The following NAV3 variants were observed in gnomAD, a reference collection of about 807,000 sequenced individuals.
The protein encoded by NAV3 is neuron navigator 3.
NAV3 carries 87 observed loss-of-function variants against 244.7 expected under a neutral mutation model. That is an observed-to-expected ratio of 0.36 (90% CI 0.30 to 0.42). The LOEUF is 0.42. Ranked by LOEUF, NAV3 falls within the 20% of genes least tolerant of loss-of-function variation. The probability of loss-of-function intolerance (pLI) is 1.00; values close to 1 mark genes in which losing one functional copy is unlikely to be tolerated. For missense variants in NAV3, 2,663 were observed against 2,893.3 expected, an observed-to-expected ratio of 0.92 and a Z score of 1.83; for synonymous variants, 1,126 against 1,042.2, an observed-to-expected ratio of 1.08 and a Z score of -1.55.
At chr12:78,036,870 C>T (rs1450248100) in intron 9 of NAV3, 3 of 689,162 alleles carry the variant, frequency 4.4e-6, no homozygotes, top group African/African-American at 3.5e-5. Context: ...AATCATGCAG[C>T]GGCCTGCTGA....
chr12:77,936,486 A>G (rs1256125658), intron 1 of NAV3, among the ~76,000 whole-genome samples: 1 of 152,170 alleles, frequency 6.6e-6, no homozygotes, highest in African/African-American at 2.4e-5. Flanking sequence ...AAAATCTTCA[A>G]TGACCCTTTT....
At chr12:77,967,525 AAAGAGTTGGTT>A in intron 4 of NAV3, among the ~76,000 whole-genome samples, 1 of 152,268 alleles carries the variant, frequency 6.6e-6, no homozygotes, top group Non-Finnish European at 1.5e-5. Flanking sequence ...CAAGAAATCC[AAAGAGTTGGTT>A]AATTTTCCTA....
intron 18 of NAV3, among the ~76,000 whole-genome samples, chr12:78,133,036 T>C (rs1956229075): frequency 6.6e-6 from 1 of 152,152 alleles, no homozygotes; most frequent in African/African-American, 2.4e-5. Flanking sequence ...GACATTGTCC[T>C]TGCTGAAGCT....
chr12:77,780,734 G>C (rs913707318), intron 2 of NAV3, among the ~76,000 whole-genome samples: 12 of 152,164 alleles, frequency 7.9e-5, no homozygotes, highest in Non-Finnish European at 1.5e-4. Context: ...AGGTTCCTGG[G>C]TTGTAAAACT....
intron 1 of NAV3, among the ~76,000 whole-genome samples, chr12:77,864,126 C>T (rs1440662218): frequency 6.6e-6 from 1 of 151,806 alleles, no homozygotes; most frequent in African/African-American, 2.4e-5. Context: ...TCAGGACACC[C>T]CCAATTTGGT....
intron 2 of NAV3, among the ~76,000 whole-genome samples, chr12:77,720,380 G>A (rs1438465488): frequency 6.6e-6 from 1 of 152,122 alleles, no homozygotes; most frequent in African/African-American, 2.4e-5. Flanking sequence ...TTCTGTGGGT[G>A]TCTTCTCAGG....
intron 24 of NAV3, among the ~76,000 whole-genome samples, chr12:78,172,947 T>C (rs1356787824): frequency 6.6e-6 from 1 of 151,602 alleles, no homozygotes; most frequent in Non-Finnish European, 1.5e-5. Context: ...TATAGAATGG[T>C]TTGAAGATGA....
At chr12:77,903,150 G>T (rs1173421895) in intron 1 of NAV3, among the ~76,000 whole-genome samples, 1 of 152,032 alleles carries the variant, frequency 6.6e-6, no homozygotes, top group African/African-American at 2.4e-5. Flanking sequence ...CTACTTTAAA[G>T]TTCATATGGA....
At chr12:78,191,193 A>G (rs1050006681) in intron 34 of NAV3, among the ~76,000 whole-genome samples, 1 of 152,146 alleles carries the variant, frequency 6.6e-6, no homozygotes, top group Admixed American at 6.6e-5. Flanking sequence ...CCAGGCATAT[A>G]GCTTAATGAA....
chr12:77,619,120 A>G (rs989350709), intron 2 of NAV3, among the ~76,000 whole-genome samples: 2 of 152,214 alleles, frequency 1.3e-5, no homozygotes, highest in African/African-American at 2.4e-5. Flanking sequence ...CTTTCATAAA[A>G]GCATTTATTA....
At chr12:77,682,584 T>A (rs1306107574) in intron 2 of NAV3, among the ~76,000 whole-genome samples, 1 of 152,146 alleles carries the variant, frequency 6.6e-6, no homozygotes, top group Non-Finnish European at 1.5e-5. Flanking sequence ...TATATACTGT[T>A]TCCATAGAGG....
intron 2 of NAV3, among the ~76,000 whole-genome samples, chr12:77,613,176 A>G (rs969644095): frequency 5.9e-5 from 9 of 152,174 alleles, no homozygotes; most frequent in Non-Finnish European, 1.3e-4. Context: ...TAACCTATAG[A>G]CATGTTTGTT....
intron 34 of NAV3, among the ~76,000 whole-genome samples, chr12:78,191,155 C>T (rs1958959197): frequency 6.6e-6 from 1 of 152,068 alleles, no homozygotes; most frequent in Non-Finnish European, 1.5e-5. Flanking sequence ...CCAAGAGCAG[C>T]CCAAACCCAT....
At chr12:77,930,937 G>A (rs1012875255) in intron 1 of NAV3, among the ~76,000 whole-genome samples, 4 of 152,062 alleles carry the variant, frequency 2.6e-5, no homozygotes, top group Admixed American at 2.6e-4. Flanking sequence ...TCCTTTGAAG[G>A]TAACTTGAAC....
rs1007903483 is a variant in NAV3, at chr12:78,108,814, A to G, written c.2637-7958A>G. 4.6e-5 allele frequency among the ~76,000 whole-genome samples: 7 copies of G among 152,136 alleles called. No homozygotes were observed. The East Asian group carries it at 5.8e-4, about 13-fold the overall frequency. Reference sequence around the variant, plus strand: ...AGTGGCATACAGCAAAAGCAGTGCTAAGAGGGAAGTTTATAGCAATAAATG... The same window carrying G: ...AGTGGCATACAGCAAAAGCAGTGCTGAGAGGGAAGTTTATAGCAATAAATG... On this transcript the variant is annotated intron_variant, in intron 12 of 39. Coordinates refer to ENST00000397909, the MANE Select transcript of NAV3 (RefSeq NM_001024383.2).
rs1407177104 is a variant in NAV3, at chr12:78,205,130, G to C, written c.7030G>C (p.Asp2344His). 6.2e-7 allele frequency: 1 copy of C among 1,613,002 alleles called. No homozygotes were observed. The change falls in exon 39 of 40, where the codon GAT becomes CAT. Residue 2344 changes from aspartate (D) to histidine (H), a missense_variant. By Grantham distance (81) the Asp-to-His change is moderately conservative (BLOSUM62 -1). Around this residue, in one of 6 missense-constraint regions of NAV3, gnomAD observed 543 missense variants for 672.4 expected, o/e 0.81. Coordinates refer to ENST00000397909, the MANE Select transcript of NAV3 (RefSeq NM_001024383.2). Reference sequence around the variant, plus strand: ...CATTCCGCAAACTGACACAGAAGGAGATCCCCTGGTAAGAATCAGATGTTC... The same window carrying C: ...CATTCCGCAAACTGACACAGAAGGACATCCCCTGGTAAGAATCAGATGTTC... ...KHIPQTDTEG[D>H]PLMNMLMKLQ...
chr12:77,653,971 G>A (rs1418112738), intron 2 of NAV3, among the ~76,000 whole-genome samples: 1 of 35,666 alleles, frequency 2.8e-5, no homozygotes, highest in Non-Finnish European at 6.2e-5. Context: ...AGTTGGGGGA[G>A]GAGCCAAGAT....
At chr12:77,962,944 T>C (rs955400159) in intron 3 of NAV3, among the ~76,000 whole-genome samples, 2 of 152,162 alleles carry the variant, frequency 1.3e-5, no homozygotes, top group African/African-American at 4.8e-5. Flanking sequence ...TTAGAAAATA[T>C]TAAGGTACAT....
At chr12:77,914,697 A>C (rs945057670) in intron 1 of NAV3, among the ~76,000 whole-genome samples, 26 of 151,966 alleles carry the variant, frequency 1.7e-4, no homozygotes, top group Non-Finnish European at 1.5e-5. Context: ...TGTCTAGTCT[A>C]TTGTGGAGTA....
Sources: allele counts gnomAD v4.1 joint callset (sites outside exome capture counted in the v4.1 genomes callset), GRCh38; gene constraint gnomAD v4.1.1; regional missense constraint gnomAD v4.1.1; transcripts MANE v1.5; gene names NCBI Gene and HGNC (gene_info 2026-07-23, HGNC 2026-07-21).